Variants in CDKN2B-AS1 observed in about 807,000 individuals in gnomAD.
The protein encoded by CDKN2B-AS1 is CDKN2B antisense RNA 1 (non-protein coding).
At chr9:22,019,880 T>C (rs1255716776) in intron 1 of CDKN2B-AS1, among the ~76,000 whole-genome samples, 1 of 152,158 alleles carries the variant, frequency 6.6e-6, no homozygotes, top group Non-Finnish European at 1.5e-5. Context: ...AAAAAAAACT[T>C]TTAAGTTCAG....
In CDKN2B-AS1 at chr9:22,005,803, C is replaced by T; in HGVS notation, n.29+10642C>T. On this transcript the variant is annotated intron_variant and non_coding_transcript_variant, in intron 1 of 4. Coordinates refer to ENST00000650946, the Ensembl canonical transcript of CDKN2B-AS1. The surrounding 1 kb of genome is among the most constrained non-coding windows in gnomAD (Gnocchi z 4.9). ...GGTGAGTGTCGAGGGCCAGATAAGA[C>T]AAAGAAAAAAATGTATGGAAGGTTA... 2 of 748,612 alleles carry T rather than the reference C, an allele frequency of 2.7e-6. No homozygotes were observed. Among genetic ancestry groups the T allele is most frequent in the Non-Finnish European group, 4.4e-6 (2 of 457,572 alleles). The allele number at this position is 748,612 out of a possible 1,614,324, so 46.4% of individuals were successfully genotyped here.
chr9:22,078,144 A>G (rs1280851574), intron 4 of CDKN2B-AS1, among the ~76,000 whole-genome samples: 1 of 152,040 alleles, frequency 6.6e-6, no homozygotes, highest in Non-Finnish European at 1.5e-5. Context: ...TCTTGAACTG[A>G]TTGTACTTAC....
At chr9:22,063,400 G>C (rs1361050509) in intron 4 of CDKN2B-AS1, among the ~76,000 whole-genome samples, 1 of 152,110 alleles carries the variant, frequency 6.6e-6, no homozygotes, top group Non-Finnish European at 1.5e-5. Context: ...AGCAGGTGTT[G>C]GTGGGATTCC....
intron 1 of CDKN2B-AS1, among the ~76,000 whole-genome samples, chr9:22,042,836 C>T (rs957359984): frequency 2.6e-5 from 4 of 152,128 alleles, no homozygotes; most frequent in African/African-American, 7.2e-5. Context: ...GTCACACAAT[C>T]ACACAAGAAT....
chr9:22,051,991 T>C (rs1823366281), intron 3 of CDKN2B-AS1, among the ~76,000 whole-genome samples: 1 of 152,172 alleles, frequency 6.6e-6, no homozygotes, highest in Non-Finnish European at 1.5e-5. Flanking sequence ...AAATCCATTT[T>C]AGCCTGAGGT....
At chr9:22,090,268 A>G (rs1253682847) in intron 4 of CDKN2B-AS1, among the ~76,000 whole-genome samples, 1 of 152,080 alleles carries the variant, frequency 6.6e-6, no homozygotes, top group East Asian at 1.9e-4. Flanking sequence ...TGCTATTGTC[A>G]ATAGTGCCAC....
At chr9:22,059,142 T>C (rs1823697424) in intron 4 of CDKN2B-AS1, 3 of 152,422 alleles carry the variant, frequency 2.0e-5, no homozygotes, top group East Asian at 1.9e-4. Flanking sequence ...AAACCAACCA[T>C]GCCTTCCCAA....
At chr9:22,023,696 T>A (rs1434783600) in intron 1 of CDKN2B-AS1, among the ~76,000 whole-genome samples, 1 of 152,132 alleles carries the variant, frequency 6.6e-6, no homozygotes, top group African/African-American at 2.4e-5. Flanking sequence ...TGAGCTGAGA[T>A]CGTGCCACTG....
chr9:22,013,303 A>G (rs961946559), intron 1 of CDKN2B-AS1, among the ~76,000 whole-genome samples: 2 of 152,220 alleles, frequency 1.3e-5, no homozygotes, highest in African/African-American at 4.8e-5. Flanking sequence ...TTAACCCATA[A>G]CAACAGCATC....
chr9:22,093,328 T>G lies in CDKN2B-AS1; in HGVS notation n.439-33775T>G, dbSNP rs1370865164. The stretch of plus-strand genomic sequence containing the variant: ...TGGGGTGGAGAGTTCTGTAGATGTC[T>G]ATTAGGTCCGCTTGGTGCAGAGCTG... On this transcript the variant is annotated intron_variant and non_coding_transcript_variant, in intron 4 of 4. Transcript: ENST00000650946. Among the ~76,000 whole-genome samples, 7 of 127,332 alleles carry G rather than the reference T, an allele frequency of 5.5e-5. No homozygotes were observed. The South Asian group carries it at 2.0e-3, about 37-fold the overall frequency. The allele number at this position is 127,332 out of a possible 152,430, so 83.5% of individuals were successfully genotyped here.
At chr9:22,103,825 G>A (rs1439737648) in intron 4 of CDKN2B-AS1, among the ~76,000 whole-genome samples, 2 of 152,080 alleles carry the variant, frequency 1.3e-5, no homozygotes, top group Non-Finnish European at 2.9e-5. Context: ...GGCACATTGG[G>A]GTTTTCTGGC....
At chr9:22,116,110 G>A (rs1825943268) in intron 4 of CDKN2B-AS1, among the ~76,000 whole-genome samples, 2 of 152,298 alleles carry the variant, frequency 1.3e-5, no homozygotes, top group South Asian at 4.1e-4. Flanking sequence ...CATTGGACAT[G>A]ATCAACTTCT....
At position 22,005,376 on chromosome 9, in the gene CDKN2B-AS1, C is replaced by G; in HGVS notation, n.29+10215C>G. On this transcript the variant is annotated intron_variant and non_coding_transcript_variant, in intron 1 of 4. Transcript: ENST00000650946. This position sits in a 1 kb window ranked among gnomAD's most constrained non-coding sequence, Gnocchi z 4.9. The stretch of plus-strand genomic sequence containing the variant: ...ATCTGGTGGAGTTGGGCGAGGGTCT[C>G]CAGGGCTTCCAGAGAGTGTCGTTTA... The G allele has an allele frequency of 4.1e-6, 1 of 244,552 alleles. No individual in the cohort carries two copies. The highest frequency in any genetic ancestry group is 5.0e-5 in the Admixed American group (1 of 19,994). 15.1% of individuals were successfully genotyped at this position (244,552 alleles called of 1,614,324 possible). A position where few individuals can be genotyped will look rare whatever the true frequency, so the allele number is the denominator to read the frequency against.
chr9:22,008,588 TA>T, intron 1 of CDKN2B-AS1: 4 of 1,425,858 alleles, frequency 2.8e-6, no homozygotes, highest in East Asian at 2.4e-5. Flanking sequence ...CAAAAACCAC[TA>T]AAAAAAGCTT....
intron 1 of CDKN2B-AS1, among the ~76,000 whole-genome samples, chr9:22,032,145 GT>G (rs894861487): frequency 1.3e-5 from 2 of 152,036 alleles, no homozygotes; most frequent in African/African-American, 4.8e-5. Flanking sequence ...AAGCTATGAG[GT>G]TTTTTTTGGG....
At chr9:22,033,080 A>G (rs1822542618) in intron 1 of CDKN2B-AS1, 1 of 152,040 alleles carries the variant, frequency 6.6e-6, no homozygotes, top group Admixed American at 6.6e-5. Flanking sequence ...TGAACTGCAC[A>G]CGCAAGGGAT....
chr9:22,106,960 C>T (rs1031409851), intron 4 of CDKN2B-AS1, among the ~76,000 whole-genome samples: 4 of 152,130 alleles, frequency 2.6e-5, no homozygotes, highest in African/African-American at 7.2e-5. Flanking sequence ...AGACAGGATT[C>T]GAACCAAGGT....
At position 22,033,708 on chromosome 9, in the gene CDKN2B-AS1, T is replaced by C. The variant is rs552446605; in HGVS notation, n.30-13043T>C. Among the ~76,000 whole-genome samples the C allele has an allele frequency of 2.0e-3, 307 of 152,318 alleles. 1 individual carries two copies. The highest frequency in any genetic ancestry group is 7.1e-3 in the African/African-American group (294 of 41,578). On this transcript the variant is annotated intron_variant and non_coding_transcript_variant, in intron 1 of 4. Coordinates refer to ENST00000650946, the Ensembl canonical transcript of CDKN2B-AS1. ...ATAGTTTGAGTAGTGAGATGCCACTTGCTCCAACAATTAACACCTGCTGAT... is the reference window on the plus strand; with the variant it reads ...ATAGTTTGAGTAGTGAGATGCCACTCGCTCCAACAATTAACACCTGCTGAT...
At chr9:22,032,202 G>T (rs908911333) in intron 1 of CDKN2B-AS1, among the ~76,000 whole-genome samples, 49 of 152,260 alleles carry the variant, frequency 3.2e-4, no homozygotes, top group African/African-American at 1.1e-3. Context: ...GTCTACAAAA[G>T]TCATTCCAGA....
Sources: allele counts gnomAD v4.1 joint callset (sites outside exome capture counted in the v4.1 genomes callset), GRCh38; gene constraint gnomAD v4.1.1; non-coding constraint Gnocchi (gnomAD v3.1); transcripts MANE v1.5; gene names NCBI Gene and HGNC (gene_info 2026-07-23, HGNC 2026-07-21).